The following LAMA2 variants were observed in gnomAD, a reference collection of about 807,000 sequenced individuals.
LAMA2 encodes laminin subunit alpha-2.
In LAMA2, 269 loss-of-function variants were observed where a neutral mutation model predicts 364.8. The ratio of observed to expected loss-of-function variants is 0.74; its 90% confidence interval spans 0.67 to 0.82. The LOEUF (loss-of-function observed/expected upper bound fraction) is 0.82, where lower values mean the gene tolerates loss of function less well. Ranked by LOEUF, LAMA2 falls within the 40% of genes least tolerant of loss-of-function variation. LAMA2 has a pLI of 0.00. For missense variants in LAMA2, 3,807 were observed against 3,873.2 expected, an observed-to-expected ratio of 0.98 and a Z score of 0.45; for synonymous variants, 1,379 against 1,370.6, an observed-to-expected ratio of 1.01 and a Z score of -0.14.
intron 39 of LAMA2, among the ~76,000 whole-genome samples, chr6:129,403,086 T>C (rs1433665799): frequency 6.6e-6 from 1 of 152,222 alleles, no homozygotes; most frequent in African/African-American, 2.4e-5. Context: ...ATAACTGATA[T>C]GCTTTTCCTA....
chr6:129,509,004 G>A (rs1165035849), intron 62 of LAMA2, among the ~76,000 whole-genome samples: 2 of 151,986 alleles, frequency 1.3e-5, no homozygotes, highest in South Asian at 2.1e-4. Context: ...CCACATCCTC[G>A]TCAGCATTTG....
chr6:128,910,873 C>G (rs1323136251), intron 1 of LAMA2, among the ~76,000 whole-genome samples: 1 of 151,430 alleles, frequency 6.6e-6, no homozygotes, highest in Non-Finnish European at 1.5e-5. Context: ...CCCTCAACTG[C>G]AGGTCTGTTG....
intron 37 of LAMA2, among the ~76,000 whole-genome samples, chr6:129,399,525 G>C (rs917785838): frequency 6.6e-6 from 1 of 152,196 alleles, no homozygotes; most frequent in Non-Finnish European, 1.5e-5. Flanking sequence ...TCATAGCTTG[G>C]GAGTGAGCAG....
intron 3 of LAMA2, among the ~76,000 whole-genome samples, chr6:129,064,383 G>T (rs1248678477): frequency 1.4e-5 from 2 of 145,812 alleles, no homozygotes; most frequent in African/African-American, 5.0e-5. Flanking sequence ...AAAAAATGAA[G>T]AAAAGATAAA....
rs748888266 is a variant in LAMA2, at chr6:129,514,487, C to T, written c.9103C>T (p.His3035Tyr). The part of the protein sequence containing the change: ...WHKVTANKIK[H>Y]RIELTVDGNQ... ...TAAAGTCACTGCCAACAAGATCAAACACCGCATTGAGCTCACAGTCGATGG... is the reference window on the plus strand; with the variant it reads ...TAAAGTCACTGCCAACAAGATCAAATACCGCATTGAGCTCACAGTCGATGG... Residue 3035 changes from histidine to tyrosine, a missense_variant, in exon 64 of 65, where the codon CAC becomes TAC. Transcript: ENST00000421865. The T allele has an allele frequency of 6.8e-6, 11 of 1,613,940 alleles. No homozygotes were observed. The South Asian group carries it at 9.9e-5, about 14-fold the overall frequency.
chr6:129,453,996 T>A (rs191785268), intron 46 of LAMA2, among the ~76,000 whole-genome samples, 159 bp from the exon 47 acceptor site: 1 of 150,786 alleles, frequency 6.6e-6, no homozygotes, highest in Non-Finnish European at 1.5e-5. Context: ...ATTTTAATAA[T>A]GTATAATAAT....
chr6:129,089,274 C>T (rs1171214609), intron 3 of LAMA2, among the ~76,000 whole-genome samples: 4 of 152,180 alleles, frequency 2.6e-5, no homozygotes, highest in Admixed American at 2.0e-4. Flanking sequence ...TAACACTTCC[C>T]ATCACTACAA....
rs535909211 is a variant in LAMA2, at chr6:129,302,934, T to C, written c.3174+2062T>C. Among the ~76,000 whole-genome samples, 10 of 152,244 alleles carry C rather than the reference T, an allele frequency of 6.6e-5. No homozygotes were observed. The South Asian group carries it at 1.0e-3, about 16-fold the overall frequency. ...ATCGTTTCCAATACCTTTTGAGTAC[T>C]TTAGCTCCTTTACATTTCCACATAA... is the stretch of plus-strand genomic sequence containing the variant. On this transcript the variant is annotated intron_variant, in intron 22 of 64. Coordinates refer to ENST00000421865, the MANE Select transcript of LAMA2 (RefSeq NM_000426.4).
intron 35 of LAMA2, among the ~76,000 whole-genome samples, chr6:129,384,862 TGGGATAGCTATACTTTA>T (rs1778891879): frequency 6.6e-6 from 1 of 151,888 alleles, no homozygotes; most frequent in Non-Finnish European, 1.5e-5. Context: ...AAGTGCCATG[TGGGATAGCTATACTTTA>T]GGGAAATAAG....
intron 12 of LAMA2, among the ~76,000 whole-genome samples, chr6:129,227,817 A>C (rs1015784267): frequency 2.6e-5 from 4 of 152,152 alleles, no homozygotes; most frequent in African/African-American, 9.7e-5. Context: ...CTCAGATCTC[A>C]AACTCCATGC....
At chr6:129,027,047 C>G (rs1256899807) in intron 1 of LAMA2, among the ~76,000 whole-genome samples, 1 of 151,996 alleles carries the variant, frequency 6.6e-6, no homozygotes, top group African/African-American at 2.4e-5. Flanking sequence ...AAAGCAATAC[C>G]TATCTTTGGC....
At chr6:129,389,982 CA>C (rs1233636365) in intron 35 of LAMA2, among the ~76,000 whole-genome samples, 48 of 152,214 alleles carry the variant, frequency 3.2e-4, no homozygotes, top group Admixed American at 1.3e-3. Flanking sequence ...AATTAGGTTT[CA>C]ACATATGAAT....
At chr6:129,086,843 A>G (rs138556498) in intron 3 of LAMA2, among the ~76,000 whole-genome samples, 141 of 152,306 alleles carry the variant, frequency 9.3e-4, no homozygotes, top group African/African-American at 3.2e-3. Flanking sequence ...TTCTTTCTGG[A>G]GGCTCTAAGG....
chr6:129,205,721 T>A (rs1009035760), intron 12 of LAMA2, among the ~76,000 whole-genome samples: 3 of 151,896 alleles, frequency 2.0e-5, no homozygotes, highest in African/African-American at 7.3e-5. Flanking sequence ...CAAGGTGTAT[T>A]TTAAATAAAT....
chr6:129,423,664 G>A (rs1014531168), intron 40 of LAMA2, among the ~76,000 whole-genome samples: 2 of 151,976 alleles, frequency 1.3e-5, no homozygotes, highest in East Asian at 3.9e-4. Context: ...AGACTGGCAA[G>A]GATACGTTGG....
In LAMA2 at chr6:129,291,711, C is replaced by T. The variant is rs1789714690; in HGVS notation, c.2847C>T (p.Asp949=). 1 of 1,610,556 alleles carries T rather than the reference C, an allele frequency of 6.2e-7. No homozygotes were observed. The highest frequency in any genetic ancestry group is 1.3e-5 in the African/African-American group (1 of 74,946). ...CRANVQGQRC[D]KCKAGTFGLQ... is the part of the protein sequence containing the mutation. ...CCAACGTTCAGGGTCAGAGATGTGA[C>T]AAATGCAAGGTAAGGAGTAGAGGCT... Residue 949 remains aspartate, a synonymous_variant, in exon 20 of 65, where the codon GAC becomes GAT. Transcript: ENST00000421865.
Position 129,287,993 on chromosome 6 carries a change from G to A in LAMA2, c.2684G>A (p.Gly895Asp), listed in dbSNP as rs1162398907. ...SCLICKPGTTGRYCELCADGY... is the reference protein window; with the variant it reads ...SCLICKPGTTDRYCELCADGY... ...CTGATATGTAAACCAGGTACAACAGGCCGGTACTGTGAGCTCTGTGCTGAT... is the reference window on the plus strand; with the variant it reads ...CTGATATGTAAACCAGGTACAACAGACCGGTACTGTGAGCTCTGTGCTGAT... The change falls in exon 19 of 65, where the codon GGC becomes GAC. Residue 895 changes from glycine (G) to aspartate (D), a missense_variant. By Grantham distance (94) the Gly-to-Asp change is moderately conservative. Around this residue, in one of 3 missense-constraint regions of LAMA2, gnomAD observed 3,333 missense variants for 3,345.7 expected, o/e 1.00. Transcript: ENST00000421865. 1 of 1,614,122 alleles carries A rather than the reference G, an allele frequency of 6.2e-7. No homozygotes were observed. Among genetic ancestry groups the A allele is most frequent in the East Asian group, 2.2e-5 (1 of 44,882 alleles).
At chr6:129,119,679 C>T (rs1392351508) in intron 4 of LAMA2, among the ~76,000 whole-genome samples, 2 of 152,152 alleles carry the variant, frequency 1.3e-5, no homozygotes, top group African/African-American at 4.8e-5. Context: ...TCCTGAGTAG[C>T]TGGAACTACA....
intron 40 of LAMA2, among the ~76,000 whole-genome samples, chr6:129,405,458 A>G (rs1192874510): frequency 3.9e-5 from 6 of 152,144 alleles, no homozygotes; most frequent in Non-Finnish European, 5.9e-5. Context: ...ATGCTTATAC[A>G]TGGTAGGCTA....
Sources: allele counts gnomAD v4.1 joint callset (sites outside exome capture counted in the v4.1 genomes callset), GRCh38; gene constraint gnomAD v4.1.1; regional missense constraint gnomAD v4.1.1; transcripts MANE v1.5; gene names NCBI Gene and HGNC (gene_info 2026-07-23, HGNC 2026-07-21).